The following DRC11 variants were observed in gnomAD, a reference collection of about 807,000 sequenced individuals.
DRC11 encodes the protein dynein regulatory complex subunit 11, also known as IQ and AAA domain-containing protein 1.
chr2:236,357,576 A>C, the DRC11 span, among the ~76,000 whole-genome samples: 1 of 127,092 alleles, frequency 7.9e-6, no homozygotes, highest in Non-Finnish European at 1.5e-5. Flanking sequence ...ATGCATAGTT[A>C]TATATTATAA....
the DRC11 span, among the ~76,000 whole-genome samples, chr2:236,382,797 C>T: frequency 6.6e-6 from 1 of 152,142 alleles, no homozygotes; most frequent in Admixed American, 6.5e-5. Context: ...ATATCCTGCA[C>T]CCTTGCTGAT....
chr2:236,392,117 T>C, the DRC11 span: 3 of 1,584,790 alleles, frequency 1.9e-6, no homozygotes, highest in Middle Eastern at 3.3e-4. This position sits in a 1 kb window ranked among gnomAD's most constrained non-coding sequence, Gnocchi z 5.1. Context: ...TTTGCATGTC[T>C]TGTGTTTTGT....
the DRC11 span, among the ~76,000 whole-genome samples, chr2:236,396,583 G>T: frequency 2.0e-5 from 3 of 152,228 alleles, no homozygotes; most frequent in South Asian, 6.2e-4. Context: ...TCAGCAGGTT[G>T]CAAGAGTTGG....
the DRC11 span, among the ~76,000 whole-genome samples, chr2:236,410,850 A>G: frequency 2.7e-5 from 4 of 146,944 alleles, no homozygotes; most frequent in Non-Finnish European, 6.0e-5. Context: ...CATATGTAGA[A>G]AGCTGAAACT....
At chr2:236,473,679 C>A in the DRC11 span, among the ~76,000 whole-genome samples, 2 of 152,132 alleles carry the variant, frequency 1.3e-5, no homozygotes, top group East Asian at 3.9e-4. This position sits in a 1 kb window ranked among gnomAD's most constrained non-coding sequence, Gnocchi z 4.8. Flanking sequence ...TTGATCCACT[C>A]CATTGGCTCT....
At chr2:236,362,769 T>G in the DRC11 span, among the ~76,000 whole-genome samples, 30 of 152,228 alleles carry the variant, frequency 2.0e-4, no homozygotes, top group Middle Eastern at 3.4e-3. The surrounding 1 kb of genome is among the most constrained non-coding windows in gnomAD (Gnocchi z 5.7). Flanking sequence ...ATGAAAATGG[T>G]GGTTACACAT....
the DRC11 span, among the ~76,000 whole-genome samples, chr2:236,451,671 C>T: frequency 2.6e-5 from 4 of 152,128 alleles, no homozygotes; most frequent in Non-Finnish European, 2.9e-5. Flanking sequence ...TGGCCAAGGA[C>T]GCCACGCTGT....
chr2:236,367,120 CA>C, the DRC11 span, among the ~76,000 whole-genome samples: 27,908 of 150,394 alleles, frequency 0.19, 2,855 homozygotes, highest in Non-Finnish European at 0.23. This position sits in a 1 kb window ranked among gnomAD's most constrained non-coding sequence, Gnocchi z 4.8. Context: ...ATGCCTGGCT[CA>C]CTGGTGCTTT....
chr2:236,437,258 A>G, the DRC11 span, among the ~76,000 whole-genome samples: 1 of 137,622 alleles, frequency 7.3e-6, no homozygotes, highest in African/African-American at 2.8e-5. Context: ...ATGTCCCTAC[A>G]AAGGACATGA....
At chr2:236,423,384 G>A in the DRC11 span, among the ~76,000 whole-genome samples, 2 of 152,036 alleles carry the variant, frequency 1.3e-5, no homozygotes, top group Non-Finnish European at 2.9e-5. Context: ...TCAACAAGTG[G>A]GCAAAGGATA....
chr2:236,347,527 T>TATATATATATATA, the DRC11 span, among the ~76,000 whole-genome samples: 17 of 145,248 alleles, frequency 1.2e-4, no homozygotes, highest in African/African-American at 1.7e-4. Flanking sequence ...TATATATATA[T>TATATATATATATA]GATGGAATAC....
At chr2:236,410,051 G>A in the DRC11 span, among the ~76,000 whole-genome samples, 1 of 151,982 alleles carries the variant, frequency 6.6e-6, no homozygotes, top group Non-Finnish European at 1.5e-5. Flanking sequence ...GTTCATCAAG[G>A]ATATTGGTCT....
chr2:236,477,018 G>T, the DRC11 span, among the ~76,000 whole-genome samples: 1 of 152,068 alleles, frequency 6.6e-6, no homozygotes, highest in Non-Finnish European at 1.5e-5. Flanking sequence ...TTAGTGTTTT[G>T]TTGAGGATTT....
At chr2:236,464,882 C>A in the DRC11 span, among the ~76,000 whole-genome samples, 1 of 152,164 alleles carries the variant, frequency 6.6e-6, no homozygotes, top group Non-Finnish European at 1.5e-5. Context: ...ATTTGACGTG[C>A]CTTCTCCTGC....
the DRC11 span, among the ~76,000 whole-genome samples, chr2:236,466,915 C>T: frequency 6.6e-6 from 1 of 152,166 alleles, no homozygotes; most frequent in African/African-American, 2.4e-5. Context: ...TGAATATGTA[C>T]AGCCATAAAT....
the DRC11 span, among the ~76,000 whole-genome samples, chr2:236,385,066 T>C: frequency 6.6e-6 from 1 of 151,872 alleles, no homozygotes; most frequent in African/African-American, 2.4e-5. Context: ...TACTGTAGCC[T>C]TGTAGTATAG....
chr2:236,365,102 G>T, the DRC11 span, among the ~76,000 whole-genome samples: 1 of 152,126 alleles, frequency 6.6e-6, no homozygotes, highest in East Asian at 1.9e-4. The surrounding 1 kb of genome is among the most constrained non-coding windows in gnomAD (Gnocchi z 7.4). Context: ...ATGGAAGGCT[G>T]CTCTGTGGTA....
the DRC11 span, chr2:236,419,171 T>G: frequency 6.5e-7 from 1 of 1,532,054 alleles, no homozygotes; most frequent in Non-Finnish European, 8.8e-7. The surrounding 1 kb of genome is among the most constrained non-coding windows in gnomAD (Gnocchi z 4.8). Flanking sequence ...CTTTGTTCCT[T>G]TCTTTTGTTT....
the DRC11 span, chr2:236,367,882 C>T: frequency 4.6e-5 from 17 of 368,530 alleles, no homozygotes; most frequent in East Asian, 8.9e-4. The surrounding 1 kb of genome is among the most constrained non-coding windows in gnomAD (Gnocchi z 4.8). Flanking sequence ...AGCCCTAGCC[C>T]GTTCTCTAAT....
Sources: allele counts gnomAD v4.1 joint callset (sites outside exome capture counted in the v4.1 genomes callset), GRCh38; gene constraint gnomAD v4.1.1; non-coding constraint Gnocchi (gnomAD v3.1); transcripts MANE v1.5; gene names NCBI Gene and HGNC (gene_info 2026-07-23, HGNC 2026-07-21).